KAZN: variants seen among roughly 807,000 people sequenced by gnomAD.
KAZN encodes kazrin, periplakin interacting protein, also known as kazrin.
A neutral mutation model predicts 87.4 loss-of-function variants in KAZN; 40 were observed. That is an observed-to-expected ratio of 0.46 (90% CI 0.36 to 0.60). The LOEUF is 0.60. KAZN is among the 20% of genes least tolerant of loss of function. The pLI is 0.00. For synonymous variants in KAZN, 466 were observed against 458.3 expected, an observed-to-expected ratio of 1.02 and a Z score of -0.22; for missense variants, 898 against 1,073.9, an observed-to-expected ratio of 0.84 and a Z score of 2.29.
At chr1:14,707,557 T>C (rs1642274378) in intron 1 of KAZN, among the ~76,000 whole-genome samples, 1 of 152,206 alleles carries the variant, frequency 6.6e-6, no homozygotes, top group Non-Finnish European at 1.5e-5. Context: ...TTATTTCCTT[T>C]CATTTCCCAA....
At chr1:14,010,797 C>T (rs1417332250) in intron 1 of KAZN, among the ~76,000 whole-genome samples, 1 of 152,208 alleles carries the variant, frequency 6.6e-6, no homozygotes. Flanking sequence ...AGCCTGACAG[C>T]TTCATGGGGG....
rs957938537 is a variant in KAZN, at chr1:15,077,081, G to C, written c.1222+11328G>C. Among the ~76,000 whole-genome samples the C allele has an allele frequency of 2.0e-5, 3 of 152,206 alleles. No homozygotes were observed. The highest frequency in any genetic ancestry group is 4.4e-5 in the Non-Finnish European group (3 of 68,038). ...AGGCTGCTCGGAGCAATGCCAGCCT[G>C]GTGTTTCCAGAGCTCCAGATCTTCT... On this transcript the variant is annotated intron_variant, in intron 8 of 14. Transcript: ENST00000376030. This position sits in a 1 kb window ranked among gnomAD's most constrained non-coding sequence, Gnocchi z 4.8.
chr1:15,004,910 C>T (rs1343922288), intron 2 of KAZN, among the ~76,000 whole-genome samples: 2 of 152,180 alleles, frequency 1.3e-5, no homozygotes, highest in Non-Finnish European at 2.9e-5. Context: ...CAAGCACACT[C>T]GTTGCTGGGC....
At chr1:14,006,063 C>T (rs930991578) in intron 1 of KAZN, among the ~76,000 whole-genome samples, 1 of 152,178 alleles carries the variant, frequency 6.6e-6, no homozygotes, top group African/African-American at 2.4e-5. Flanking sequence ...AATCTCTTAT[C>T]AGATATACAT....
intron 1 of KAZN, among the ~76,000 whole-genome samples, chr1:14,609,725 C>T (rs1054632231): frequency 6.6e-6 from 1 of 152,240 alleles, no homozygotes; most frequent in East Asian, 1.9e-4. Context: ...AATCCAAAGA[C>T]TTTCACAGGC....
At chr1:14,387,858 GGCT>G (rs1217355285) in intron 2 of KAZN, among the ~76,000 whole-genome samples, 2 of 152,108 alleles carry the variant, frequency 1.3e-5, no homozygotes, top group Non-Finnish European at 1.5e-5. Context: ...CGAGCTTCCC[GGCT>G]GCTTTGTTTA....
At chr1:14,674,345 A>T (rs1640089827) in intron 1 of KAZN, among the ~76,000 whole-genome samples, 1 of 152,218 alleles carries the variant, frequency 6.6e-6, no homozygotes, top group South Asian at 2.1e-4. Flanking sequence ...TCACCAAAAG[A>T]ACCATGAACC....
At chr1:14,569,545 A>G (rs1309245748) in intron 2 of KAZN, among the ~76,000 whole-genome samples, 1 of 151,146 alleles carries the variant, frequency 6.6e-6, no homozygotes, top group Non-Finnish European at 1.5e-5. Context: ...GATGGTCTCG[A>G]TCTCCTGACC....
rs913171439 is a variant in KAZN at position 14,382,032 on chromosome 1, C to T, written c.249+201440C>T. Among the ~76,000 whole-genome samples, 13 of 152,182 alleles carry T rather than the reference C, an allele frequency of 8.5e-5. No homozygotes were observed. The East Asian group carries it at 2.5e-3, about 29-fold the overall frequency. ...AATCAGTAGCACTTATATATCCCAACTGTGAACAATCTGAAAACGAAATCA... is the reference window on the plus strand; with the variant it reads ...AATCAGTAGCACTTATATATCCCAATTGTGAACAATCTGAAAACGAAATCA... On this transcript the variant is annotated intron_variant, in intron 2 of 16. Coordinates refer to the KAZN transcript ENST00000636203.
At chr1:13,938,169 A>T (rs887021504) in intron 1 of KAZN, among the ~76,000 whole-genome samples, 1 of 152,154 alleles carries the variant, frequency 6.6e-6, no homozygotes, top group Non-Finnish European at 1.5e-5. Flanking sequence ...TGAGCATGGA[A>T]GTTTTTTTCT....
chr1:14,702,318 T>A (rs1641966093), intron 1 of KAZN, among the ~76,000 whole-genome samples: 1 of 85,038 alleles, frequency 1.2e-5, no homozygotes, highest in African/African-American at 4.1e-5. Flanking sequence ...GCTGATATTT[T>A]TGCAAAACTG....
chr1:14,566,751 T>A (rs769456526), intron 2 of KAZN, among the ~76,000 whole-genome samples: 14 of 152,362 alleles, frequency 9.2e-5, no homozygotes, highest in East Asian at 1.9e-4. Flanking sequence ...AATGCCTTTT[T>A]TCCTTAAATC....
At chr1:14,800,667 A>G (rs993675559) in intron 1 of KAZN, among the ~76,000 whole-genome samples, 7 of 152,206 alleles carry the variant, frequency 4.6e-5, no homozygotes, top group African/African-American at 1.4e-4. Flanking sequence ...TTGCAACACC[A>G]CACTCCAGCC....
chr1:14,409,337 T>A (rs1366061847), intron 2 of KAZN, among the ~76,000 whole-genome samples: 2 of 152,140 alleles, frequency 1.3e-5, no homozygotes, highest in African/African-American at 4.8e-5. Context: ...TGTATCCACA[T>A]GAAGCCAGGA....
chr1:15,109,697 T>C (rs923362179), intron 13 of KAZN, among the ~76,000 whole-genome samples: 30 of 151,616 alleles, frequency 2.0e-4, no homozygotes, highest in Non-Finnish European at 3.2e-4. Flanking sequence ...ATGTGTATGT[T>C]TGTGTATGAG....
chr1:14,434,199 T>G (rs1034043596), intron 2 of KAZN, among the ~76,000 whole-genome samples: 2 of 152,200 alleles, frequency 1.3e-5, no homozygotes, highest in Non-Finnish European at 2.9e-5. Flanking sequence ...GGCATTTGGA[T>G]TATTTCCAGT....
At chr1:13,997,478 G>C (rs944930641) in intron 1 of KAZN, among the ~76,000 whole-genome samples, 1 of 151,980 alleles carries the variant, frequency 6.6e-6, no homozygotes, top group Non-Finnish European at 1.5e-5. Flanking sequence ...CTGATAAAAG[G>C]TTAGAGGAGC....
intron 1 of KAZN, among the ~76,000 whole-genome samples, chr1:14,094,589 A>C (rs72862517): frequency 0.067 from 10,241 of 152,284 alleles, 1,173 homozygotes; most frequent in African/African-American, 0.23. Flanking sequence ...TTTCCAAAAA[A>C]TATATTGCAA....
At chr1:14,155,754 A>G (rs897568755) in intron 1 of KAZN, among the ~76,000 whole-genome samples, 3 of 152,050 alleles carry the variant, frequency 2.0e-5, no homozygotes, top group Admixed American at 2.0e-4. Flanking sequence ...GATACAAGTG[A>G]TTCTCATGTC....
Sources: gnomAD v4.1 joint callset for allele counts (sites outside exome capture counted in the v4.1 genomes callset) on GRCh38, gnomAD v4.1.1 for gene constraint, Gnocchi (gnomAD v3.1) non-coding constraint, MANE v1.5 for transcripts, NCBI Gene and HGNC (gene_info 2026-07-23, HGNC 2026-07-21) for gene names.